The following CTRB1 variants were observed in gnomAD, a reference collection of about 807,000 sequenced individuals.
CTRB1 encodes the protein chymotrypsinogen B.
CTRB1 carries 15 observed loss-of-function variants against 20.4 expected under a neutral mutation model. That is an observed-to-expected ratio of 0.74 (90% CI 0.49 to 1.13). CTRB1 has a LOEUF of 1.13. Ranked by LOEUF, CTRB1 falls within the 50% of genes most tolerant of loss-of-function variation. The pLI is 0.00. For synonymous variants in CTRB1, 92 were observed against 128.4 expected (o/e 0.72, Z 1.92); for missense variants, 227 against 290.1 (o/e 0.78, Z 1.58).
chr16:75,222,515 C>G (rs1162098694), intron 1 of CTRB1: 4 of 551,140 alleles, frequency 7.3e-6, no homozygotes, highest in Non-Finnish European at 1.3e-5. Flanking sequence ...TCTGCTTCTT[C>G]AGGCTGGACA....
intron 1 of CTRB1, among the ~76,000 whole-genome samples, chr16:75,220,427 G>A (rs900358638): frequency 5.9e-5 from 9 of 152,044 alleles, no homozygotes; most frequent in Non-Finnish European, 8.8e-5. Context: ...CCAGTGATCC[G>A]CCCACCTCAG....
At position 75,219,060 on chromosome 16, in the gene CTRB1, G is replaced by A. The variant is rs768116131; in HGVS notation, c.52+1G>A. ...TTCTCCCTTGTGGGGGCCGCCTTTG[G>A]TGAGTGCTGGTGCCCGAGGGGTCTG... On this transcript the variant is annotated splice_donor_variant, in intron 1 of 6. Coordinates refer to ENST00000361017, the MANE Select transcript of CTRB1 (RefSeq NM_001906.6). LOFTEE classifies it high-confidence loss of function. 2.5e-6 allele frequency: 4 copies of A among 1,586,928 alleles called. No homozygotes were observed. Among genetic ancestry groups the A allele is most frequent in the South Asian group, 1.1e-5 (1 of 87,080 alleles).
At position 75,224,701 on chromosome 16, in the gene CTRB1, A is replaced by C; in HGVS notation, c.631-4A>C. The C allele has an allele frequency of 6.2e-7, 1 of 1,606,570 alleles. No homozygotes were observed. The highest frequency in any genetic ancestry group is 8.5e-7 in the Non-Finnish European group (1 of 1,177,104). On this transcript the variant is annotated splice_polypyrimidine_tract_variant and splice_region_variant and intron_variant, in intron 6 of 6. Transcript: ENST00000361017. ...ATCCAAGCCCCCTTCTCCCTCTCCC[A>C]CAGGGCGACTCTGGCGGCCCCCTGG...
At chr16:75,220,235 G>C (rs2039063924) in intron 1 of CTRB1, among the ~76,000 whole-genome samples, 1 of 152,152 alleles carries the variant, frequency 6.6e-6, no homozygotes, top group Non-Finnish European at 1.5e-5. Context: ...CCAGGCTGGA[G>C]TGCAGTGGCG....
At position 75,224,045 on chromosome 16, in the gene CTRB1, T is replaced by C; in HGVS notation, c.497-10T>C. On this transcript the variant is annotated splice_polypyrimidine_tract_variant and intron_variant, in intron 5 of 6. Coordinates refer to ENST00000361017, the MANE Select transcript of CTRB1 (RefSeq NM_001906.6). ...AGCCCAGGGGCCCTGACCCTCCTCCTGTCCTGCAGCCAACAAGACCCCTGA... is the reference window on the plus strand; with the variant it reads ...AGCCCAGGGGCCCTGACCCTCCTCCCGTCCTGCAGCCAACAAGACCCCTGA... The C allele has an allele frequency of 2.0e-6, 2 of 1,008,816 alleles. No homozygotes were observed. The highest frequency in any genetic ancestry group is 2.8e-6 in the Non-Finnish European group (2 of 703,712). The allele number at this position is 1,008,816 out of a possible 1,614,324, so 62.5% of individuals were successfully genotyped here.
intron 1 of CTRB1, among the ~76,000 whole-genome samples, chr16:75,222,090 A>C (rs2039094259): frequency 6.7e-6 from 1 of 148,466 alleles, no homozygotes; most frequent in Non-Finnish European, 1.5e-5. Flanking sequence ...AAAAAAAGGA[A>C]TTTGAGGTTG....
At position 75,224,827 on chromosome 16, in the gene CTRB1, G is replaced by A; in HGVS notation, c.753G>A (p.Lys251=). Residue 251 remains lysine (K), a synonymous_variant, in exon 7 of 7, where the codon AAG becomes AAA. Transcript: ENST00000361017. ...CTGGCGTGTACGCCCGTGTCACCAAGCTCATACCTTGGGTGCAGAAGATCC... is the reference window on the plus strand; with the variant it reads ...CTGGCGTGTACGCCCGTGTCACCAAACTCATACCTTGGGTGCAGAAGATCC... ...SSPGVYARVT[K]LIPWVQKILA... is the part of the protein sequence containing the mutation. 1 of 1,614,004 alleles carries A rather than the reference G, an allele frequency of 6.2e-7. No homozygotes were observed. Among genetic ancestry groups the A allele is most frequent in the Non-Finnish European group, 8.5e-7 (1 of 1,180,034 alleles).
In CTRB1 at chr16:75,222,818, G is replaced by C. The variant is rs562578052; in HGVS notation, c.103G>C (p.Val35Leu). Residue 35 changes from valine to leucine, a missense_variant, in exon 2 of 7, where the codon GTG (valine) becomes CTG (leucine). Transcript: ENST00000361017. ...TGTGCTCAGCGGCCTGTCCAGGATC[G>C]TGAATGGGGAGGACGCCGTCCCCGG... ...HPVLSGLSRIVNGEDAVPGSW... is the reference protein window; with the variant it reads ...HPVLSGLSRILNGEDAVPGSW... The C allele has an allele frequency of 5.2e-6, 8 of 1,546,220 alleles. No homozygotes were observed. The South Asian group carries it at 8.4e-5, about 16-fold the overall frequency.
At chr16:75,219,182 G>A (rs1327430147) in intron 1 of CTRB1, 123 bp downstream of exon 1, 1 of 1,003,508 alleles carries the variant, frequency 1.0e-6, no homozygotes, top group Non-Finnish European at 1.5e-6. Context: ...TGAGGGCTCA[G>A]GAGAGGGTGC....
At chr16:75,224,495 A>G (rs2076718443) in intron 6 of CTRB1, among the ~76,000 whole-genome samples, 1 of 152,200 alleles carries the variant, frequency 6.6e-6, no homozygotes, top group African/African-American at 2.4e-5. Context: ...AGCTGCCATT[A>G]AAGGGTCCCA....
chr16:75,219,080 G>T, intron 1 of CTRB1, 21 bp downstream of exon 1: 2 of 1,577,184 alleles, frequency 1.3e-6, no homozygotes. Flanking sequence ...GTGCCCGAGG[G>T]GTCTGTCCTG....
In CTRB1 at chr16:75,224,897, C is replaced by A; in HGVS notation, c.*31C>A. 1 of 1,611,274 alleles carries A rather than the reference C, an allele frequency of 6.2e-7. No individual in the cohort carries two copies. Among genetic ancestry groups the A allele is most frequent in the Non-Finnish European group, 8.5e-7 (1 of 1,179,540 alleles). On this transcript the variant is annotated 3_prime_UTR_variant, in exon 7 of 7. Transcript: ENST00000361017. ...CGGCTCCCTCCGACCCTGCTCCCCA[C>A]AGAGCCTCAGTAAACCCATGGAACA... is the stretch of plus-strand genomic sequence containing the variant.
Position 75,224,611 on chromosome 16 carries a change from G to C in CTRB1, c.631-94G>C, listed in dbSNP as rs1397637312. The C allele has an allele frequency of 1.8e-5, 25 of 1,390,514 alleles. No individual in the cohort carries two copies. In the South Asian group the frequency reaches 2.7e-4, roughly 15 times the overall value. The allele number at this position is 1,390,514 out of a possible 1,614,324, so 86.1% of individuals were successfully genotyped here. A position where few individuals can be genotyped will look rare whatever the true frequency, so the allele number is the denominator to read the frequency against. Reference sequence around the variant, plus strand: ...ATGCTGAGCCTTTGCTGTGTGTGGGGTCCTGGACTGGACTCTGGGAACAAT... The same window carrying C: ...ATGCTGAGCCTTTGCTGTGTGTGGGCTCCTGGACTGGACTCTGGGAACAAT... On this transcript the variant is annotated intron_variant, in intron 6 of 6. Coordinates refer to ENST00000361017, the MANE Select transcript of CTRB1 (RefSeq NM_001906.6).
At chr16:75,221,314 C>T (rs896848078) in intron 1 of CTRB1, among the ~76,000 whole-genome samples, 1 of 152,166 alleles carries the variant, frequency 6.6e-6, no homozygotes, top group African/African-American at 2.4e-5. Context: ...TTGTTTTCTG[C>T]TTCCAATGTG....
Position 75,224,118 on chromosome 16 carries a change from A to G in CTRB1, c.560A>G (p.Lys187Arg). 3.6e-6 allele frequency: 5 copies of G among 1,398,826 alleles called. No homozygotes were observed. The highest frequency in any genetic ancestry group is 4.9e-6 in the Non-Finnish European group (5 of 1,023,232). 86.7% of individuals were successfully genotyped at this position (1,398,826 alleles called of 1,614,324 possible). A position where few individuals can be genotyped will look rare whatever the true frequency, so the allele number is the denominator to read the frequency against. Reference protein sequence around the residue: ...ALPLLSNAECKKSWGRRITDV... With the variant: ...ALPLLSNAECRKSWGRRITDV... ...CCCCTCCTGTCCAATGCCGAATGCAAGAAGTCCTGGGGCAGGAGGATCACC... is the reference window on the plus strand; with the variant it reads ...CCCCTCCTGTCCAATGCCGAATGCAGGAAGTCCTGGGGCAGGAGGATCACC... Residue 187 changes from lysine to arginine, a missense_variant, in exon 6 of 7, where the codon AAG (lysine) becomes AGG (arginine). Coordinates refer to ENST00000361017, the MANE Select transcript of CTRB1 (RefSeq NM_001906.6).
chr16:75,222,692 G>A (rs767498172), intron 1 of CTRB1, 76 bp from the exon 2 acceptor site: 13 of 1,469,424 alleles, frequency 8.8e-6, no homozygotes, highest in African/African-American at 2.8e-5. Flanking sequence ...GGGTAGAACC[G>A]GGAGAGCTGC....
Position 75,223,959 on chromosome 16 carries a change from A to G in CTRB1, c.497-96A>G, listed in dbSNP as rs543557434. 6.9e-5 allele frequency: 31 copies of G among 451,972 alleles called. No individual in the cohort carries two copies. The East Asian group carries it at 7.7e-4, about 11-fold the overall frequency. The allele number at this position is 451,972 out of a possible 1,614,324, so 28.0% of individuals were successfully genotyped here. On this transcript the variant is annotated intron_variant, in intron 5 of 6. Transcript: ENST00000361017. ...AGGGGCCGTACCCAACATCGTGGTG[A>G]TGGTGCAGGGTAGGGCAGGCGTGTC...
chr16:75,222,978 G>T lies in CTRB1; in HGVS notation c.166G>T (p.Gly56Cys). Reference protein sequence around the residue: ...PWQVSLQDKTGFHFCGGSLIS... With the variant: ...PWQVSLQDKTCFHFCGGSLIS... ...CCCATCTTGCTCACAGGACAAAACC[G>T]GCTTCCACTTCTGCGGGGGCTCCCT... is the stretch of plus-strand genomic sequence containing the variant. The change falls in exon 3 of 7, where the codon GGC becomes TGC. Residue 56 changes from glycine to cysteine, a missense_variant. Physicochemically the swap from Gly to Cys is radical, Grantham distance 159 (BLOSUM62 -3). Coordinates refer to ENST00000361017, the MANE Select transcript of CTRB1 (RefSeq NM_001906.6). 1.9e-6 allele frequency: 2 copies of T among 1,054,050 alleles called. No homozygotes were observed. Among genetic ancestry groups the T allele is most frequent in the Non-Finnish European group, 2.7e-6 (2 of 741,830 alleles). 65.3% of individuals were successfully genotyped at this position (1,054,050 alleles called of 1,614,324 possible).
At chr16:75,223,679 TC>T in intron 5 of CTRB1, 51 bp downstream of exon 5, 1 of 392,492 alleles carries the variant, frequency 2.5e-6, no homozygotes, top group Non-Finnish European at 4.4e-6. Flanking sequence ...GGCCGTGGAG[TC>T]CCCCCGTGAC....
Sources: allele counts gnomAD v4.1 joint callset (sites outside exome capture counted in the v4.1 genomes callset), GRCh38; gene constraint gnomAD v4.1.1; transcripts MANE v1.5; gene names NCBI Gene and HGNC (gene_info 2026-07-23, HGNC 2026-07-21).